The following UCK2 variants were observed in gnomAD, a reference collection of about 807,000 sequenced individuals.
The protein encoded by UCK2 is uridine-cytidine kinase 2.
UCK2 carries 6 observed loss-of-function variants against 30.8 expected under a neutral mutation model. The observed-to-expected ratio is 0.19, with a 90% CI of 0.11 to 0.38. UCK2 has a LOEUF of 0.38. UCK2 is among the 10% of genes least tolerant of loss of function. The pLI is 1.00. For missense variants in UCK2, 210 were observed against 339.8 expected (o/e 0.62, Z 3.00); for synonymous variants, 125 against 133.6 (o/e 0.94, Z 0.45).
chr1:165,903,357 G>C (rs1377677392), intron 5 of UCK2, 78 bp downstream of exon 5: 27 of 1,283,798 alleles, frequency 2.1e-5, no homozygotes, highest in Non-Finnish European at 2.7e-5. Context: ...GTGCAAGTTT[G>C]TGGAGCTCCC....
At chr1:165,835,696 CTTAT>C (rs1654170884) in intron 1 of UCK2, among the ~76,000 whole-genome samples, 3 of 152,170 alleles carry the variant, frequency 2.0e-5, no homozygotes, top group South Asian at 4.1e-4. Flanking sequence ...TGAACAAGCT[CTTAT>C]TTGAGTCAGA....
intron 1 of UCK2, among the ~76,000 whole-genome samples, chr1:165,835,126 C>T (rs1042307041): frequency 2.6e-5 from 4 of 152,080 alleles, no homozygotes; most frequent in Admixed American, 2.0e-4. Context: ...TTGCTTTTCC[C>T]TGGGAGTGGA....
chr1:165,864,712 C>A (rs537850586), intron 1 of UCK2, among the ~76,000 whole-genome samples: 1 of 152,244 alleles, frequency 6.6e-6, no homozygotes, highest in South Asian at 2.1e-4. Context: ...CACAGTCTTA[C>A]TCTTTCACTC....
At chr1:165,899,311 T>C (rs888823812) in intron 4 of UCK2, among the ~76,000 whole-genome samples, 3 of 152,196 alleles carry the variant, frequency 2.0e-5, no homozygotes, top group Non-Finnish European at 4.4e-5. Context: ...CACCCAGCTC[T>C]GAATACGGGG....
chr1:165,905,525 A>G (rs1647626655), intron 5 of UCK2, among the ~76,000 whole-genome samples: 2 of 152,118 alleles, frequency 1.3e-5, no homozygotes, highest in Admixed American at 1.3e-4. Flanking sequence ...AATAAAAGCT[A>G]AATTCTTGTA....
chr1:165,898,730 C>T (rs1019834445), intron 4 of UCK2, among the ~76,000 whole-genome samples: 8 of 152,362 alleles, frequency 5.3e-5, no homozygotes, highest in African/African-American at 1.7e-4. Context: ...TTCAACAGAA[C>T]ATTTTCCCTT....
rs77783983 is a variant in UCK2, at chr1:165,870,880, C to T, written c.100-19324C>T. 9.6e-3 allele frequency among the ~76,000 whole-genome samples: 1,462 copies of T among 152,338 alleles called. 33 individuals are homozygous for T. The highest frequency in any genetic ancestry group is 0.052 in the Admixed American group (790 of 15,306). On this transcript the variant is annotated intron_variant, in intron 1 of 6. Transcript: ENST00000367879. ...TTGCCCCGGCTGGGGTGCAGTGGCACGATCTTGGCTCATTGCAACCTCCGC... is the reference window on the plus strand; with the variant it reads ...TTGCCCCGGCTGGGGTGCAGTGGCATGATCTTGGCTCATTGCAACCTCCGC...
chr1:165,850,569 A>G (rs1250206127), intron 1 of UCK2, among the ~76,000 whole-genome samples: 1 of 151,360 alleles, frequency 6.6e-6, no homozygotes, highest in Non-Finnish European at 1.5e-5. Context: ...CCTCCCAAGT[A>G]GCTGGGACTA....
intron 1 of UCK2, among the ~76,000 whole-genome samples, chr1:165,866,512 T>C (rs1264537509): frequency 6.6e-6 from 1 of 152,192 alleles, no homozygotes; most frequent in Non-Finnish European, 1.5e-5. Context: ...TATAAATAGA[T>C]AATTTTATTA....
At chr1:165,855,506 T>G (rs1654721639) in intron 1 of UCK2, among the ~76,000 whole-genome samples, 1 of 151,108 alleles carries the variant, frequency 6.6e-6, no homozygotes, top group Non-Finnish European at 1.5e-5. Flanking sequence ...CAGTTTTTTC[T>G]TTTCTTTTTT....
chr1:165,857,651 C>T (rs1654782645), intron 1 of UCK2, among the ~76,000 whole-genome samples: 1 of 152,134 alleles, frequency 6.6e-6, no homozygotes, highest in Admixed American at 6.5e-5. Context: ...AGTGTGTGCT[C>T]ACACCTGGTA....
intron 1 of UCK2, among the ~76,000 whole-genome samples, chr1:165,883,375 G>A (rs1655547807): frequency 6.6e-6 from 1 of 152,164 alleles, no homozygotes; most frequent in African/African-American, 2.4e-5. Context: ...AGGAGTTCGA[G>A]GCTGCAGTGA....
chr1:165,848,678 C>A (rs567431066), intron 1 of UCK2, among the ~76,000 whole-genome samples: 36 of 151,402 alleles, frequency 2.4e-4, no homozygotes, highest in East Asian at 7.8e-4. Flanking sequence ...ACACACACAC[C>A]CCCAAAAACC....
chr1:165,836,437 C>T (rs999799737), intron 1 of UCK2, among the ~76,000 whole-genome samples: 5 of 152,068 alleles, frequency 3.3e-5, no homozygotes, highest in African/African-American at 9.7e-5. Context: ...TGGAAATGGA[C>T]AGAATATTGT....
intron 1 of UCK2, among the ~76,000 whole-genome samples, chr1:165,887,738 C>T (rs773787900): frequency 2.6e-5 from 4 of 151,196 alleles, no homozygotes; most frequent in Non-Finnish European, 5.9e-5. Context: ...TGTTTAAAAA[C>T]CTATAGTTTA....
chr1:165,831,197 A>G (rs1360751065), intron 1 of UCK2, among the ~76,000 whole-genome samples: 1 of 151,798 alleles, frequency 6.6e-6, no homozygotes, highest in Non-Finnish European at 1.5e-5. Context: ...GGATGCCTTC[A>G]AAACCAGCCT....
intron 1 of UCK2, among the ~76,000 whole-genome samples, chr1:165,857,409 T>A (rs1654774471): frequency 6.6e-6 from 1 of 152,190 alleles, no homozygotes; most frequent in Admixed American, 6.5e-5. Context: ...ATAACTGACA[T>A]AACCCATGAC....
intron 1 of UCK2, among the ~76,000 whole-genome samples, chr1:165,860,656 G>T (rs1289210045): frequency 2.0e-5 from 3 of 152,084 alleles, no homozygotes; most frequent in Non-Finnish European, 4.4e-5. Context: ...CAACATGTTG[G>T]TCAGGCTGGT....
At chr1:165,840,931 G>T (rs1051322948) in intron 1 of UCK2, among the ~76,000 whole-genome samples, 8 of 152,000 alleles carry the variant, frequency 5.3e-5, no homozygotes, top group Non-Finnish European at 7.4e-5. Flanking sequence ...TTATCATATG[G>T]TGAACATAGA....
Sources: allele counts gnomAD v4.1 joint callset (sites outside exome capture counted in the v4.1 genomes callset), GRCh38; gene constraint gnomAD v4.1.1; transcripts MANE v1.5; gene names NCBI Gene and HGNC (gene_info 2026-07-23, HGNC 2026-07-21).